Variants in OPCML observed in about 807,000 individuals in gnomAD.
OPCML encodes the protein opioid-binding protein/cell adhesion molecule.
OPCML carries 13 observed loss-of-function variants against 37.8 expected under a neutral mutation model. That is an observed-to-expected ratio of 0.34 (90% CI 0.22 to 0.55). OPCML has a LOEUF of 0.55. OPCML is among the 20% of genes least tolerant of loss of function. OPCML has a pLI of 0.91. For synonymous variants in OPCML, 176 were observed against 168.8 expected, an observed-to-expected ratio of 1.04 and a Z score of -0.33; for missense variants, 341 against 435.6, an observed-to-expected ratio of 0.78 and a Z score of 1.93.
At chr11:133,155,804 G>A (rs1193237996) in intron 1 of OPCML, among the ~76,000 whole-genome samples, 1 of 151,928 alleles carries the variant, frequency 6.6e-6, no homozygotes, top group Non-Finnish European at 1.5e-5. Context: ...TCCCCATTTT[G>A]GACACAGCTT....
intron 2 of OPCML, among the ~76,000 whole-genome samples, chr11:132,933,208 C>A: frequency 6.6e-6 from 1 of 152,078 alleles, no homozygotes; most frequent in East Asian, 1.9e-4. Context: ...GTCCATGAAT[C>A]CCTTCATCCT....
chr11:133,332,000 T>A (rs116502210), intron 1 of OPCML, among the ~76,000 whole-genome samples: 5 of 152,210 alleles, frequency 3.3e-5, no homozygotes, highest in Non-Finnish European at 5.9e-5. Flanking sequence ...AGGAGTAGCA[T>A]AGAATCTGTA....
chr11:132,457,310 A>G (rs571169056), intron 4 of OPCML, among the ~76,000 whole-genome samples: 1 of 152,248 alleles, frequency 6.6e-6, no homozygotes, highest in Admixed American at 6.5e-5. Context: ...AGGTAATAAG[A>G]CCAATAACAC....
chr11:133,524,651 A>G (rs1476476457), intron 1 of OPCML, among the ~76,000 whole-genome samples: 1 of 152,232 alleles, frequency 6.6e-6, no homozygotes, highest in Non-Finnish European at 1.5e-5. Flanking sequence ...GCAGTGTGCG[A>G]TGTGAGATCC....
chr11:133,156,590 C>T (rs770457835), intron 1 of OPCML, among the ~76,000 whole-genome samples: 8 of 152,164 alleles, frequency 5.3e-5, no homozygotes, highest in Non-Finnish European at 1.0e-4. Flanking sequence ...GGAGAATCCT[C>T]CTCATAATAG....
At chr11:133,003,062 T>C (rs1947039273) in intron 1 of OPCML, among the ~76,000 whole-genome samples, 1 of 152,182 alleles carries the variant, frequency 6.6e-6, no homozygotes, top group Non-Finnish European at 1.5e-5. Flanking sequence ...ATATGCCAGA[T>C]ATTGAAAAGA....
chr11:132,763,763 G>C (rs1946342838), intron 2 of OPCML, among the ~76,000 whole-genome samples: 1 of 152,182 alleles, frequency 6.6e-6, no homozygotes, highest in East Asian at 1.9e-4. Context: ...ATGCGGCCCT[G>C]CCTAGCTAAG....
chr11:133,460,122 A>G (rs1946825817), intron 1 of OPCML, among the ~76,000 whole-genome samples: 1 of 151,980 alleles, frequency 6.6e-6, no homozygotes, highest in Non-Finnish European at 1.5e-5. Flanking sequence ...TAAACAACCA[A>G]AAAAGAAATC....
chr11:132,537,016 C>T (rs567349429), intron 3 of OPCML, among the ~76,000 whole-genome samples: 2 of 152,290 alleles, frequency 1.3e-5, no homozygotes, highest in African/African-American at 2.4e-5. Context: ...CAGGTCTGTT[C>T]TGGTCTAAAA....
chr11:133,024,160 CAG>C (rs956407134), intron 1 of OPCML, among the ~76,000 whole-genome samples: 2 of 152,144 alleles, frequency 1.3e-5, no homozygotes, highest in African/African-American at 2.4e-5. Flanking sequence ...TGCATAAAAA[CAG>C]GGGACATTTC....
intron 4 of OPCML, among the ~76,000 whole-genome samples, chr11:132,479,329 C>T (rs369695418): frequency 1.5e-3 from 230 of 152,298 alleles, no homozygotes; most frequent in Middle Eastern, 0.014. Context: ...GCTTAAAAAA[C>T]GGATCACCAG....
intron 3 of OPCML, among the ~76,000 whole-genome samples, chr11:132,599,324 A>G (rs892151545): frequency 6.9e-6 from 1 of 145,206 alleles, no homozygotes; most frequent in Admixed American, 6.8e-5. Context: ...AAGGAGGAGG[A>G]GAAGAAGGAG....
intron 3 of OPCML, among the ~76,000 whole-genome samples, chr11:132,543,473 A>G (rs1439927902): frequency 6.6e-6 from 1 of 152,172 alleles, no homozygotes; most frequent in Non-Finnish European, 1.5e-5. Flanking sequence ...TGATTGTGCC[A>G]CTGTACTCCA....
At chr11:133,209,312 A>G (rs964948414) in intron 1 of OPCML, among the ~76,000 whole-genome samples, 2 of 152,242 alleles carry the variant, frequency 1.3e-5, no homozygotes, top group Admixed American at 6.5e-5. Context: ...ATGGAAGATT[A>G]TAGAACCAGA....
intron 1 of OPCML, among the ~76,000 whole-genome samples, chr11:133,394,296 G>A (rs1945240326): frequency 6.6e-6 from 1 of 151,794 alleles, no homozygotes; most frequent in Non-Finnish European, 1.5e-5. Flanking sequence ...CTGTAGTAGG[G>A]GTATATATGT....
intron 1 of OPCML, among the ~76,000 whole-genome samples, chr11:133,383,646 C>T (rs1030217830): frequency 5.3e-5 from 8 of 152,108 alleles, no homozygotes; most frequent in South Asian, 2.1e-4. Context: ...GAATAACGTG[C>T]GTCTTCAGAG....
intron 1 of OPCML, among the ~76,000 whole-genome samples, chr11:133,001,509 G>A (rs2136847906): frequency 6.6e-6 from 1 of 152,334 alleles, no homozygotes; most frequent in South Asian, 2.1e-4. Context: ...GGTTGTGATA[G>A]AACTATAGCC....
chr11:133,178,549 T>C (rs1376457154), intron 1 of OPCML, among the ~76,000 whole-genome samples: 1 of 151,968 alleles, frequency 6.6e-6, no homozygotes, highest in African/African-American at 2.4e-5. Flanking sequence ...GTTGGGGAAA[T>C]AAGACATACT....
At chr11:133,504,452 C>T (rs369586463) in intron 1 of OPCML, among the ~76,000 whole-genome samples, 3 of 152,164 alleles carry the variant, frequency 2.0e-5, no homozygotes, top group African/African-American at 7.2e-5. Flanking sequence ...AGACTGCAGA[C>T]AGGAGCAGAG....
Sources: allele counts gnomAD v4.1 joint callset (sites outside exome capture counted in the v4.1 genomes callset), GRCh38; gene constraint gnomAD v4.1.1; transcripts MANE v1.5; gene names NCBI Gene and HGNC (gene_info 2026-07-23, HGNC 2026-07-21).